Variants in ANKS1B observed in about 807,000 individuals in gnomAD.
ANKS1B encodes the protein ankyrin repeat and sterile alpha motif domain containing 1B.
A neutral mutation model predicts 148.3 loss-of-function variants in ANKS1B; 36 were observed. The observed-to-expected ratio is 0.24, with a 90% CI of 0.19 to 0.32. The LOEUF is 0.32. Ranked by LOEUF, ANKS1B falls within the 10% of genes least tolerant of loss-of-function variation. The probability of loss-of-function intolerance (pLI) is 1.00; values close to 1 mark genes in which losing one functional copy is unlikely to be tolerated. For synonymous variants in ANKS1B, 542 were observed against 560.8 expected (o/e 0.97, Z 0.47); for missense variants, 1,157 against 1,542.6 (o/e 0.75, Z 4.19).
At chr12:99,121,490 A>G (rs2062872075) in intron 15 of ANKS1B, among the ~76,000 whole-genome samples, 1 of 152,174 alleles carries the variant, frequency 6.6e-6, no homozygotes, top group Non-Finnish European at 1.5e-5. Context: ...ACTTTTGAGT[A>G]TTTATTTCTG....
At chr12:99,437,701 C>T (rs2095484223) in intron 11 of ANKS1B, among the ~76,000 whole-genome samples, 1 of 151,840 alleles carries the variant, frequency 6.6e-6, no homozygotes, top group South Asian at 2.1e-4. Flanking sequence ...GTATACACAC[C>T]TCCTAACAAA....
chr12:99,118,730 A>G (rs2061996661), intron 15 of ANKS1B, among the ~76,000 whole-genome samples: 1 of 152,250 alleles, frequency 6.6e-6, no homozygotes, highest in Non-Finnish European at 1.5e-5. Flanking sequence ...AAGAAAGGAT[A>G]GAAGAAAATG....
chr12:99,254,581 T>C (rs190409342), intron 12 of ANKS1B, among the ~76,000 whole-genome samples: 5 of 152,310 alleles, frequency 3.3e-5, no homozygotes, highest in Non-Finnish European at 7.4e-5. Context: ...TGCACTGCAA[T>C]GTACCATGGC....
intron 16 of ANKS1B, among the ~76,000 whole-genome samples, chr12:99,057,668 T>G (rs547818120): frequency 6.6e-6 from 1 of 152,326 alleles, no homozygotes; most frequent in South Asian, 2.1e-4. Context: ...ACATTATGTC[T>G]CAGTGTGGCT....
At chr12:99,719,286 C>G (rs1035355008) in intron 8 of ANKS1B, among the ~76,000 whole-genome samples, 12 of 152,170 alleles carry the variant, frequency 7.9e-5, no homozygotes, top group African/African-American at 2.7e-4. Flanking sequence ...TTCCCGGCTC[C>G]TTCAGCTGTA....
chr12:98,939,997 T>C (rs79629485), intron 17 of ANKS1B, among the ~76,000 whole-genome samples: 2,265 of 152,320 alleles, frequency 0.015, 69 homozygotes, highest in African/African-American at 0.052. Context: ...AGAGCTGTTC[T>C]ACTGGGGAAA....
intron 17 of ANKS1B, among the ~76,000 whole-genome samples, chr12:98,886,248 C>T (rs958431686): frequency 2.6e-5 from 4 of 151,926 alleles, no homozygotes; most frequent in African/African-American, 4.8e-5. Context: ...ATATTGTGGA[C>T]CTAAGGAAGC....
chr12:99,064,046 A>G (rs1230112449), intron 16 of ANKS1B, among the ~76,000 whole-genome samples: 4 of 152,180 alleles, frequency 2.6e-5, no homozygotes, highest in Non-Finnish European at 5.9e-5. Flanking sequence ...TAACCCCTCT[A>G]TTATTTTTCC....
intron 11 of ANKS1B, among the ~76,000 whole-genome samples, chr12:99,404,320 T>C (rs572426169): frequency 2.1e-5 from 3 of 145,546 alleles, no homozygotes; most frequent in South Asian, 4.2e-4. Context: ...GAACTCAAAA[T>C]AGAAGTTACA....
intron 8 of ANKS1B, among the ~76,000 whole-genome samples, chr12:99,661,412 C>T (rs2098476967): frequency 6.6e-6 from 1 of 152,060 alleles, no homozygotes; most frequent in Non-Finnish European, 1.5e-5. Context: ...GTTGGTCTGG[C>T]AATATTTTCC....
chr12:99,614,419 A>G (rs1223893435), intron 9 of ANKS1B, among the ~76,000 whole-genome samples: 1 of 128,764 alleles, frequency 7.8e-6, no homozygotes, highest in Admixed American at 9.2e-5. Context: ...TGGGTGACAG[A>G]GTGAGACTCT....
At chr12:99,890,892 G>C (rs914696809) in intron 1 of ANKS1B, among the ~76,000 whole-genome samples, 1 of 151,822 alleles carries the variant, frequency 6.6e-6, no homozygotes, top group African/African-American at 2.4e-5. Flanking sequence ...AGAAGATAAG[G>C]TGTTCATTGA....
At chr12:98,972,452 A>G (rs1427317291) in intron 17 of ANKS1B, among the ~76,000 whole-genome samples, 2 of 152,158 alleles carry the variant, frequency 1.3e-5, no homozygotes, top group Non-Finnish European at 2.9e-5. Context: ...TCTTAACACC[A>G]TGGTAAGGTT....
intron 1 of ANKS1B, among the ~76,000 whole-genome samples, chr12:99,906,535 A>G (rs770031939): frequency 2.0e-5 from 3 of 152,210 alleles, no homozygotes; most frequent in Non-Finnish European, 4.4e-5. Context: ...TGATTTGTTT[A>G]GGCCAATGGA....
intron 14 of ANKS1B, among the ~76,000 whole-genome samples, chr12:99,207,652 G>A (rs1254090240): frequency 6.6e-6 from 1 of 151,444 alleles, no homozygotes; most frequent in Admixed American, 6.6e-5. Flanking sequence ...ACTTACTAAG[G>A]GTTAAAAATT....
chr12:98,755,277 A>C (rs529299835), intron 25 of ANKS1B, among the ~76,000 whole-genome samples: 1 of 152,296 alleles, frequency 6.6e-6, no homozygotes, highest in South Asian at 2.1e-4. Context: ...AGGAGACTCT[A>C]CCGGGATGAG....
At chr12:98,850,841 C>T (rs2099520873) in intron 17 of ANKS1B, among the ~76,000 whole-genome samples, 1 of 152,090 alleles carries the variant, frequency 6.6e-6, no homozygotes, top group East Asian at 1.9e-4. Context: ...TGCCAATGCT[C>T]CCATTTTCAC....
At chr12:99,038,458 G>A (rs576823429) in intron 17 of ANKS1B, among the ~76,000 whole-genome samples, 18 of 152,124 alleles carry the variant, frequency 1.2e-4, no homozygotes, top group East Asian at 3.9e-4. Context: ...CTCTTGCCCC[G>A]ACTACTAGGT....
chr12:99,151,741 C>T (rs934385799), intron 15 of ANKS1B, among the ~76,000 whole-genome samples: 2 of 152,074 alleles, frequency 1.3e-5, no homozygotes, highest in Non-Finnish European at 2.9e-5. Context: ...CTTATATGGA[C>T]ACTTTAAATG....
Sources: gnomAD v4.1 joint callset for allele counts (sites outside exome capture counted in the v4.1 genomes callset) on GRCh38, gnomAD v4.1.1 for gene constraint, MANE v1.5 for transcripts, NCBI Gene and HGNC (gene_info 2026-07-23, HGNC 2026-07-21) for gene names.